The following NCAM2 variants were observed in gnomAD, a reference collection of about 807,000 sequenced individuals.
NCAM2 encodes neural cell adhesion molecule 2.
A neutral mutation model predicts 98.1 loss-of-function variants in NCAM2; 30 were observed. The ratio of observed to expected loss-of-function variants is 0.31; its 90% CI spans 0.23 to 0.41. NCAM2 has a LOEUF of 0.41. Among genes scored for constraint, NCAM2 ranks in the 10% least tolerant of loss-of-function variants. The pLI, the probability that NCAM2 is intolerant of heterozygous loss-of-function variation, is 1.00. For missense variants in NCAM2, 867 were observed against 1,005.8 expected, an observed-to-expected ratio of 0.86 and a Z score of 1.87; for synonymous variants, 368 against 342.4, an observed-to-expected ratio of 1.07 and a Z score of -0.83.
chr21:21,077,101 T>A (rs543743441), intron 1 of NCAM2, among the ~76,000 whole-genome samples: 21 of 152,314 alleles, frequency 1.4e-4, no homozygotes, highest in South Asian at 2.1e-4. Flanking sequence ...TTACTCAGCT[T>A]CTCTTGTTCT....
chr21:21,155,859 T>G (rs1162843903), intron 1 of NCAM2, among the ~76,000 whole-genome samples: 2 of 151,992 alleles, frequency 1.3e-5, no homozygotes, highest in Non-Finnish European at 2.9e-5. Context: ...TCATTGCCTG[T>G]GAAGATGCAG....
chr21:21,463,154 C>T (rs1214979796), intron 12 of NCAM2, among the ~76,000 whole-genome samples: 1 of 152,056 alleles, frequency 6.6e-6, no homozygotes, highest in Non-Finnish European at 1.5e-5. Flanking sequence ...TCAGTCCCTA[C>T]CTTGGGTGTT....
At chr21:21,316,844 A>T (rs950957012) in intron 5 of NCAM2, among the ~76,000 whole-genome samples, 2 of 152,092 alleles carry the variant, frequency 1.3e-5, no homozygotes, top group African/African-American at 4.8e-5. Context: ...GCGCCCGGCC[A>T]TATTTATTCT....
intron 9 of NCAM2, among the ~76,000 whole-genome samples, chr21:21,395,467 T>C (rs1296777942): frequency 1.3e-5 from 2 of 152,170 alleles, no homozygotes; most frequent in Non-Finnish European, 2.9e-5. Flanking sequence ...ACAAATTCAA[T>C]GCAATTCTCA....
At chr21:21,434,970 G>T (rs550586231) in intron 12 of NCAM2, among the ~76,000 whole-genome samples, 1 of 152,238 alleles carries the variant, frequency 6.6e-6, no homozygotes, top group South Asian at 2.1e-4. Context: ...CCTGCCCCTT[G>T]GGGATGTGTG....
At chr21:21,061,687 AT>A (rs1426782383) in intron 1 of NCAM2, among the ~76,000 whole-genome samples, 4 of 152,158 alleles carry the variant, frequency 2.6e-5, no homozygotes, top group Admixed American at 2.6e-4. Flanking sequence ...ATGTTTTGAA[AT>A]TGATTGAATA....
intron 1 of NCAM2, among the ~76,000 whole-genome samples, chr21:21,063,191 C>T (rs2065356566): frequency 6.8e-6 from 1 of 147,698 alleles, no homozygotes; most frequent in African/African-American, 2.5e-5. Flanking sequence ...CAAGTCATAG[C>T]ACTGTTTATC....
chr21:21,259,839 A>G (rs1390417255), intron 1 of NCAM2, among the ~76,000 whole-genome samples: 1 of 151,912 alleles, frequency 6.6e-6, no homozygotes, highest in Admixed American at 6.6e-5. Flanking sequence ...CCAAACAACC[A>G]TACACAACAT....
At chr21:21,461,427 C>T (rs891468788) in intron 12 of NCAM2, among the ~76,000 whole-genome samples, 6 of 151,706 alleles carry the variant, frequency 4.0e-5, no homozygotes, top group Admixed American at 1.3e-4. Flanking sequence ...ATAACTTATA[C>T]TCATGATGGA....
At chr21:21,184,942 A>G (rs1008345928) in intron 1 of NCAM2, among the ~76,000 whole-genome samples, 1 of 152,150 alleles carries the variant, frequency 6.6e-6, no homozygotes, top group African/African-American at 2.4e-5. Flanking sequence ...GCTGTACACC[A>G]CACTTACAGA....
intron 12 of NCAM2, among the ~76,000 whole-genome samples, chr21:21,448,631 G>A (rs1980561609): frequency 1.3e-5 from 2 of 151,870 alleles, no homozygotes; most frequent in South Asian, 4.1e-4. Flanking sequence ...TTCTACTAGA[G>A]TATTTTCTAT....
At chr21:21,011,875 A>G (rs543123524) in intron 1 of NCAM2, among the ~76,000 whole-genome samples, 19 of 152,210 alleles carry the variant, frequency 1.2e-4, no homozygotes, top group Non-Finnish European at 2.1e-4. Context: ...TCAAAGGCAT[A>G]CAAAAAAATG....
chr21:21,128,252 T>G (rs1027382747), intron 1 of NCAM2, among the ~76,000 whole-genome samples: 2 of 152,104 alleles, frequency 1.3e-5, no homozygotes, highest in East Asian at 3.9e-4. Flanking sequence ...GGGTTTTTTT[T>G]TTTTCTTTTA....
At chr21:21,081,747 G>A (rs929508004) in intron 1 of NCAM2, among the ~76,000 whole-genome samples, 1 of 151,808 alleles carries the variant, frequency 6.6e-6, no homozygotes, top group African/African-American at 2.4e-5. Flanking sequence ...GTTGCAGTGA[G>A]CCGAGATCTT....
chr21:21,464,054 A>G (rs1488962990), intron 12 of NCAM2, among the ~76,000 whole-genome samples: 2 of 152,098 alleles, frequency 1.3e-5, no homozygotes, highest in African/African-American at 2.4e-5. Flanking sequence ...TTTATTTGCA[A>G]TTGAAAGTGC....
At chr21:21,120,555 G>T (rs544760193) in intron 1 of NCAM2, among the ~76,000 whole-genome samples, 242 of 152,176 alleles carry the variant, frequency 1.6e-3, no homozygotes, top group Middle Eastern at 3.4e-3. Flanking sequence ...GTTCACAGGC[G>T]GGGGACGCTG....
rs189306929 is a variant in NCAM2 at position 21,475,389 on chromosome 21, G to T, written c.1897-1902G>T. ...CTGGTTTGCAAACTACAACATGAGGGTATTGCACATGTCTTGGTCACTATT... is the reference window on the plus strand; with the variant it reads ...CTGGTTTGCAAACTACAACATGAGGTTATTGCACATGTCTTGGTCACTATT... On this transcript the variant is annotated intron_variant, in intron 14 of 17. Transcript: ENST00000400546. Among the ~76,000 whole-genome samples, 119 of 152,196 alleles carry T rather than the reference G, an allele frequency of 7.8e-4. No individual in the cohort carries two copies. The Middle Eastern group carries it at 0.014, about 17-fold the overall frequency.
intron 1 of NCAM2, among the ~76,000 whole-genome samples, chr21:21,278,538 T>A (rs2072813535): frequency 6.6e-6 from 1 of 152,222 alleles, no homozygotes; most frequent in Non-Finnish European, 1.5e-5. Flanking sequence ...TCTTATTCTT[T>A]CTGACTTGCA....
chr21:21,187,489 G>A (rs2068679555), intron 1 of NCAM2, among the ~76,000 whole-genome samples: 1 of 152,088 alleles, frequency 6.6e-6, no homozygotes, highest in South Asian at 2.1e-4. Flanking sequence ...ATGTCATTCA[G>A]TTACATTTAT....
Sources: gnomAD v4.1 joint callset for allele counts (sites outside exome capture counted in the v4.1 genomes callset) on GRCh38, gnomAD v4.1.1 for gene constraint, MANE v1.5 for transcripts, NCBI Gene and HGNC (gene_info 2026-07-23, HGNC 2026-07-21) for gene names.